EIF4G3: variants seen among roughly 807,000 people sequenced by gnomAD.
EIF4G3 encodes eukaryotic translation initiation factor 4 gamma 3.
EIF4G3 carries 34 observed loss-of-function variants against 186.4 expected under a neutral mutation model. The observed-to-expected ratio is 0.18, with a 90% CI of 0.14 to 0.24. The LOEUF is 0.24. Among genes scored for constraint, EIF4G3 ranks in the 10% least tolerant of loss-of-function variants. The probability of loss-of-function intolerance (pLI) is 1.00; values close to 1 mark genes in which losing one functional copy is unlikely to be tolerated. For missense variants in EIF4G3, 1,536 were observed against 1,948.5 expected, an observed-to-expected ratio of 0.79 and a Z score of 3.99; for synonymous variants, 673 against 679.5, an observed-to-expected ratio of 0.99 and a Z score of 0.15.
intron 13 of EIF4G3, among the ~76,000 whole-genome samples, chr1:20,943,100 T>C (rs896565132): frequency 1.3e-5 from 2 of 152,100 alleles, no homozygotes; most frequent in African/African-American, 2.4e-5. Context: ...GAGTTTGAGG[T>C]TGCATTGAGC....
At chr1:20,916,597 GA>G (rs991355923) in intron 14 of EIF4G3, among the ~76,000 whole-genome samples, 2 of 151,882 alleles carry the variant, frequency 1.3e-5, no homozygotes, top group African/African-American at 4.8e-5. Flanking sequence ...AAAAAATATA[GA>G]AAAAAACTGA....
chr1:20,937,160 T>C (rs2095543669), intron 14 of EIF4G3, among the ~76,000 whole-genome samples: 1 of 152,168 alleles, frequency 6.6e-6, no homozygotes, highest in African/African-American at 2.4e-5. Context: ...ATGGGTGACA[T>C]GCTCAGTGAA....
In EIF4G3 at chr1:20,893,777, T is replaced by C. The variant is rs117488307; in HGVS notation, c.2134-141A>G. ...TGGAACCCGCAGAAGTCCAATCTCATCCATGGCAGCTTCTCCTGGGCTACT... is the reference window on the plus strand; with the variant it reads ...TGGAACCCGCAGAAGTCCAATCTCACCCATGGCAGCTTCTCCTGGGCTACT... On this transcript the variant is annotated intron_variant, in intron 17 of 36. Transcript: ENST00000602326. 828 of 857,836 alleles carry C rather than the reference T, an allele frequency of 9.7e-4. 13 individuals are homozygous for C. The East Asian group carries it at 0.023, about 24-fold the overall frequency. The allele number at this position is 857,836 out of a possible 1,614,324, so 53.1% of individuals were successfully genotyped here. A position where few individuals can be genotyped will look rare whatever the true frequency, so the allele number is the denominator to read the frequency against.
At chr1:20,929,867 CA>C (rs2095209071) in intron 14 of EIF4G3, among the ~76,000 whole-genome samples, 1 of 152,092 alleles carries the variant, frequency 6.6e-6, no homozygotes, top group Admixed American at 6.5e-5. Context: ...AGTGTTTAAT[CA>C]AATACATGAA....
At chr1:21,169,444 TCCC>T (rs1325868419) in intron 2 of EIF4G3, among the ~76,000 whole-genome samples, 3 of 151,382 alleles carry the variant, frequency 2.0e-5, no homozygotes, top group South Asian at 2.1e-4. Flanking sequence ...CAACACTCTC[TCCC>T]CCCAAAAAAA....
At chr1:20,853,768 C>CT in intron 26 of EIF4G3, 91 bp from the exon 27 acceptor site, 2 of 886,776 alleles carry the variant, frequency 2.3e-6, no homozygotes, top group Non-Finnish European at 3.7e-6. Context: ...AGGCCTGAGA[C>CT]CAGGCATTCC....
intron 2 of EIF4G3, chr1:21,167,913 TA>T: frequency 6.1e-6 from 2 of 326,760 alleles, no homozygotes; most frequent in South Asian, 5.0e-5. Flanking sequence ...ATCTTGCAAA[TA>T]ATGCAAAACA....
At position 20,981,056 on chromosome 1, in the gene EIF4G3, T is replaced by C. The variant is rs770617329; in HGVS notation, c.370A>G (p.Ile124Val). ...YPVPQGPQYC[I>V]PQYRHSGPPY... ...CCTCAAAGATACTTTACCTGTGGTA[T>C]ACAGTACTGAGGCCCCTGGGGCACT... The change falls in exon 9 of 37, where the codon ATA (isoleucine) becomes GTA (valine). Residue 124 changes from isoleucine (I) to valine (V), a missense_variant. By Grantham distance (29) the Ile-to-Val change is conservative (BLOSUM62 3). Around this residue, in one of 11 missense-constraint regions of EIF4G3, gnomAD observed 194 missense variants for 212.8 expected, o/e 0.91. Coordinates refer to ENST00000602326, the MANE Select transcript of EIF4G3 (RefSeq NM_001391906.1). 6 of 1,605,088 alleles carry C rather than the reference T, an allele frequency of 3.7e-6. No homozygotes were observed. The highest frequency in any genetic ancestry group is 3.3e-5 in the South Asian group (3 of 89,748).
intron 33 of EIF4G3, among the ~76,000 whole-genome samples, chr1:20,818,139 C>T (rs1214371285): frequency 6.6e-6 from 1 of 152,064 alleles, no homozygotes; most frequent in Admixed American, 6.6e-5. Context: ...CCCTTAGCTG[C>T]AACATAGCTC....
intron 24 of EIF4G3, among the ~76,000 whole-genome samples, chr1:20,857,723 A>T (rs1040931772): frequency 1.3e-5 from 2 of 152,226 alleles, no homozygotes; most frequent in African/African-American, 4.8e-5. Context: ...ATCACCCATG[A>T]AACATTACTG....
chr1:20,845,049 C>G (rs1006199239), intron 29 of EIF4G3, among the ~76,000 whole-genome samples: 1 of 152,002 alleles, frequency 6.6e-6, no homozygotes, highest in Non-Finnish European at 1.5e-5. Context: ...TTTGCCTGTG[C>G]CTATGTCCTG....
At chr1:21,134,793 G>C (rs1487421612) in intron 2 of EIF4G3, among the ~76,000 whole-genome samples, 1 of 152,134 alleles carries the variant, frequency 6.6e-6, no homozygotes, top group Non-Finnish European at 1.5e-5. Context: ...AGAGACTTTA[G>C]TTACATTTTG....
At chr1:20,884,163 G>A (rs1411846654) in intron 19 of EIF4G3, among the ~76,000 whole-genome samples, 1 of 152,118 alleles carries the variant, frequency 6.6e-6, no homozygotes, top group Non-Finnish European at 1.5e-5. Context: ...CTCTGTAAAG[G>A]AATTTTAAAA....
At chr1:20,977,423 G>A (rs965777593) in intron 10 of EIF4G3, among the ~76,000 whole-genome samples, 1 of 152,124 alleles carries the variant, frequency 6.6e-6, no homozygotes, top group Non-Finnish European at 1.5e-5. Context: ...CTGACCTCGG[G>A]TGATCCACCC....
intron 3 of EIF4G3, among the ~76,000 whole-genome samples, chr1:21,063,371 T>C (rs1470159509): frequency 6.6e-6 from 1 of 152,128 alleles, no homozygotes; most frequent in Non-Finnish European, 1.5e-5. Flanking sequence ...GAATATTGAT[T>C]CTGCTGAGAG....
chr1:20,842,567 A>C (rs551355433), intron 29 of EIF4G3, among the ~76,000 whole-genome samples: 9 of 152,250 alleles, frequency 5.9e-5, no homozygotes, highest in African/African-American at 1.9e-4. Context: ...AGGTTTCTTC[A>C]TGCTGGCCAG....
At chr1:21,126,984 G>GT (rs1164878192) in intron 2 of EIF4G3, among the ~76,000 whole-genome samples, 1 of 152,038 alleles carries the variant, frequency 6.6e-6, no homozygotes, top group African/African-American at 2.4e-5. Flanking sequence ...TATTGTTGGT[G>GT]TTTTTGTTGT....
chr1:21,039,236 A>G (rs2154574802), intron 4 of EIF4G3, among the ~76,000 whole-genome samples: 1 of 152,378 alleles, frequency 6.6e-6, no homozygotes, highest in South Asian at 2.1e-4. Flanking sequence ...AAAACTGGAT[A>G]GCCACATGCC....
chr1:20,937,626 T>C (rs2095558273), intron 14 of EIF4G3, among the ~76,000 whole-genome samples: 1 of 152,192 alleles, frequency 6.6e-6, no homozygotes, highest in African/African-American at 2.4e-5. Flanking sequence ...TTATATCTGA[T>C]ACAGGTAAAA....
Sources: allele counts gnomAD v4.1 joint callset (sites outside exome capture counted in the v4.1 genomes callset), GRCh38; gene constraint gnomAD v4.1.1; regional missense constraint gnomAD v4.1.1; transcripts MANE v1.5; gene names NCBI Gene and HGNC (gene_info 2026-07-23, HGNC 2026-07-21).